CSMD1: variants seen among roughly 807,000 people sequenced by gnomAD.
CSMD1 encodes CUB and sushi domain-containing protein 1.
Under a neutral mutation model 417.5 loss-of-function variants are expected in CSMD1, and 213 were observed. The ratio of observed to expected loss-of-function variants is 0.51; its 90% confidence interval spans 0.46 to 0.57. The LOEUF (loss-of-function observed/expected upper bound fraction) is 0.57. Ranked by LOEUF, CSMD1 falls within the 20% of genes least tolerant of loss-of-function variation. The pLI is 0.00. For missense variants in CSMD1, 6,923 were observed against 4,529.7 expected, an observed-to-expected ratio of 1.53 and a Z score of -15.17; for synonymous variants, 2,862 against 1,736.8, an observed-to-expected ratio of 1.65 and a Z score of -16.11.
chr8:3,785,647 G>A (rs1037413470), intron 5 of CSMD1, among the ~76,000 whole-genome samples: 1 of 152,176 alleles, frequency 6.6e-6, no homozygotes, highest in African/African-American at 2.4e-5. Context: ...GTTTATTGAA[G>A]GAAGAGTTGG....
Position 3,202,132 on chromosome 8 carries a change from C to T in CSMD1, c.4985-407G>A, listed in dbSNP as rs753263563. Among the ~76,000 whole-genome samples the T allele has an allele frequency of 4.6e-5, 7 of 152,074 alleles. No homozygotes were observed. The South Asian group carries it at 1.0e-3, about 23-fold the overall frequency. On this transcript the variant is annotated intron_variant, in intron 31 of 69. Transcript: ENST00000635120. The stretch of plus-strand genomic sequence containing the variant: ...GCAATGAGCTGAGATTGTACCACTG[C>T]ACTCCAGCCTGGGCGACAGAGTGAG...
intron 5 of CSMD1, among the ~76,000 whole-genome samples, chr8:3,825,362 T>G (rs1801994906): frequency 6.6e-6 from 1 of 152,152 alleles, no homozygotes; most frequent in Non-Finnish European, 1.5e-5. Flanking sequence ...AAACCTTGTC[T>G]GTAGTAAAAA....
At chr8:3,035,738 G>A (rs1011121876) in intron 50 of CSMD1, among the ~76,000 whole-genome samples, 1 of 151,446 alleles carries the variant, frequency 6.6e-6, no homozygotes, top group African/African-American at 2.5e-5. Flanking sequence ...TGAATAAATT[G>A]CCAGGTCAAG....
intron 2 of CSMD1, among the ~76,000 whole-genome samples, chr8:4,523,851 C>G (rs1239533167): frequency 2.0e-5 from 3 of 152,302 alleles, no homozygotes; most frequent in South Asian, 2.1e-4. Context: ...ACTGTGCCAT[C>G]TTGACCTCCA....
At chr8:4,312,495 A>G (rs1176880781) in intron 3 of CSMD1, among the ~76,000 whole-genome samples, 1 of 149,834 alleles carries the variant, frequency 6.7e-6, no homozygotes, top group Non-Finnish European at 1.5e-5. Flanking sequence ...ATAGAACTCT[A>G]TGTTTCCAGT....
At chr8:4,917,743 C>A (rs907947074) in intron 1 of CSMD1, among the ~76,000 whole-genome samples, 3 of 152,126 alleles carry the variant, frequency 2.0e-5, no homozygotes, top group Non-Finnish European at 4.4e-5. Context: ...ATCCACAAAA[C>A]AAGGATGCCA....
At chr8:4,480,002 CA>C (rs1429422737) in intron 2 of CSMD1, among the ~76,000 whole-genome samples, 1 of 150,564 alleles carries the variant, frequency 6.6e-6, no homozygotes, top group Non-Finnish European at 1.5e-5. Flanking sequence ...CAAAAAAAAG[CA>C]AACTGGATAA....
At chr8:4,772,961 G>C (rs553904254) in intron 1 of CSMD1, among the ~76,000 whole-genome samples, 4 of 151,994 alleles carry the variant, frequency 2.6e-5, no homozygotes, top group Non-Finnish European at 5.9e-5. Context: ...ATAACACATG[G>C]GACATTTAAA....
chr8:3,837,911 G>A (rs1428325791), intron 5 of CSMD1, among the ~76,000 whole-genome samples: 2 of 152,056 alleles, frequency 1.3e-5, no homozygotes, highest in Non-Finnish European at 2.9e-5. Flanking sequence ...GAAATGCACA[G>A]ATGAATATAC....
At chr8:4,479,043 G>A (rs533902002) in intron 2 of CSMD1, among the ~76,000 whole-genome samples, 2 of 152,268 alleles carry the variant, frequency 1.3e-5, no homozygotes, top group Admixed American at 6.5e-5. Flanking sequence ...CACAGAGTAT[G>A]GCAGGGGCTC....
intron 5 of CSMD1, among the ~76,000 whole-genome samples, chr8:3,831,568 T>C (rs961748364): frequency 5.3e-5 from 8 of 152,188 alleles, no homozygotes; most frequent in African/African-American, 4.8e-5. Context: ...CTGTGCTCAC[T>C]ACAGCAATGG....
chr8:4,962,159 C>G (rs1049839819), intron 1 of CSMD1, among the ~76,000 whole-genome samples: 5 of 145,240 alleles, frequency 3.4e-5, no homozygotes, highest in Non-Finnish European at 7.5e-5. Context: ...CAGTGAAACA[C>G]AAAACAATAA....
At chr8:4,687,669 C>T (rs1312236155) in intron 1 of CSMD1, among the ~76,000 whole-genome samples, 1 of 152,176 alleles carries the variant, frequency 6.6e-6, no homozygotes, top group African/African-American at 2.4e-5. Flanking sequence ...TTAAAATGAG[C>T]TGCCGCTGTT....
At chr8:4,618,298 G>GTCTTATTC (rs11280789) in intron 2 of CSMD1, among the ~76,000 whole-genome samples, 90,567 of 151,234 alleles carry the variant, frequency 0.6, 27,693 homozygotes, top group African/African-American at 0.74. Context: ...GCTCAGCCAT[G>GTCTTATTC]TCCCTCATAA....
chr8:4,385,596 T>C (rs553201101), intron 3 of CSMD1, among the ~76,000 whole-genome samples: 1 of 152,206 alleles, frequency 6.6e-6, no homozygotes, highest in Admixed American at 6.5e-5. Flanking sequence ...AGAATGTTAT[T>C]AATTGCTGAT....
chr8:3,585,238 A>G (rs1014767637), intron 9 of CSMD1, among the ~76,000 whole-genome samples: 8 of 152,214 alleles, frequency 5.3e-5, no homozygotes, highest in African/African-American at 1.9e-4. Flanking sequence ...ACAGGCTGCA[A>G]TGACACTATG....
chr8:3,218,736 G>A (rs1304737460), intron 29 of CSMD1, among the ~76,000 whole-genome samples: 1 of 151,826 alleles, frequency 6.6e-6, no homozygotes, highest in Admixed American at 6.6e-5. Context: ...GCCGTGTATG[G>A]TGGCATGCTC....
intron 3 of CSMD1, among the ~76,000 whole-genome samples, chr8:4,345,752 G>A (rs1800742704): frequency 6.6e-6 from 1 of 152,026 alleles, no homozygotes; most frequent in African/African-American, 2.4e-5. Context: ...GAACTATAAT[G>A]TGCTATCATC....
chr8:3,046,090 G>C (rs1182498498), intron 50 of CSMD1, among the ~76,000 whole-genome samples: 1 of 152,178 alleles, frequency 6.6e-6, no homozygotes, highest in Non-Finnish European at 1.5e-5. Flanking sequence ...AGAAGTTTGT[G>C]AATTTTCTTC....
Sources: allele counts gnomAD v4.1 joint callset (sites outside exome capture counted in the v4.1 genomes callset), GRCh38; gene constraint gnomAD v4.1.1; transcripts MANE v1.5; gene names NCBI Gene and HGNC (gene_info 2026-07-23, HGNC 2026-07-21).